The following SUSD6 variants were observed in gnomAD, a reference collection of about 807,000 sequenced individuals.
SUSD6 encodes the protein sushi domain containing 6.
SUSD6 carries 16 observed loss-of-function variants against 28.4 expected under a neutral mutation model. The ratio of observed to expected loss-of-function variants is 0.56; its 90% CI spans 0.38 to 0.86. The LOEUF (loss-of-function observed/expected upper bound fraction) is 0.86. Ranked by LOEUF, SUSD6 falls within the 40% of genes least tolerant of loss-of-function variation. The pLI is 0.00. For missense variants in SUSD6, 341 were observed against 384.2 expected, an observed-to-expected ratio of 0.89 and a Z score of 0.94; for synonymous variants, 147 against 159.6, an observed-to-expected ratio of 0.92 and a Z score of 0.59.
At chr14:69,612,050 C>G (rs1287985474) in intron 1 of SUSD6, among the ~76,000 whole-genome samples, 2 of 150,004 alleles carry the variant, frequency 1.3e-5, no homozygotes, top group Non-Finnish European at 3.0e-5. Context: ...GCGCGGCCAG[C>G]CGGCCAGCAG....
Position 69,713,106 on chromosome 14 carries a change from TG to T in SUSD6, c.*2129del, listed in dbSNP as rs933713915. 3 of 152,246 alleles carry T rather than the reference TG, an allele frequency of 2.0e-5. No individual in the cohort carries two copies. The highest frequency in any genetic ancestry group is 2.9e-5 in the Non-Finnish European group (2 of 68,042). 9.4% of individuals were successfully genotyped at this position (152,246 alleles called of 1,614,324 possible). A position where few individuals can be genotyped will look rare whatever the true frequency, so the allele number is the denominator to read the frequency against. On this transcript the variant is annotated 3_prime_UTR_variant, in exon 6 of 6. Transcript: ENST00000342745. The stretch of plus-strand genomic sequence containing the variant: ...TCAAAACCCGCATTCTATTCTAGAA[TG>T]GTTTTTAAAATGGAAGATCTTACCT...
rs184506206 is a variant in SUSD6 at position 69,663,611 on chromosome 14, G to A, written c.121+4898G>A. Among the ~76,000 whole-genome samples, 20 of 152,292 alleles carry A rather than the reference G, an allele frequency of 1.3e-4. No homozygotes were observed. In the East Asian group the frequency reaches 3.1e-3, roughly 23 times the overall value. On this transcript the variant is annotated intron_variant, in intron 2 of 5. Transcript: ENST00000342745. ...CACTTATGTGTCAGGCTCTGTTATCGTTCCATATAAAGCTCTCAGAACACC... is the reference window on the plus strand; with the variant it reads ...CACTTATGTGTCAGGCTCTGTTATCATTCCATATAAAGCTCTCAGAACACC...
At chr14:69,645,058 A>G (rs1885407630) in intron 1 of SUSD6, among the ~76,000 whole-genome samples, 2 of 152,202 alleles carry the variant, frequency 1.3e-5, no homozygotes, top group African/African-American at 4.8e-5. Flanking sequence ...TGGGTAATTT[A>G]TGATGAAGAG....
chr14:69,657,193 C>T (rs1020496311), intron 1 of SUSD6, among the ~76,000 whole-genome samples: 1 of 152,166 alleles, frequency 6.6e-6, no homozygotes, highest in African/African-American at 2.4e-5. Context: ...CAGTGGTTCA[C>T]GCCTGTAATC....
chr14:69,648,776 A>G (rs564804872), intron 1 of SUSD6, among the ~76,000 whole-genome samples: 1 of 152,316 alleles, frequency 6.6e-6, no homozygotes, highest in African/African-American at 2.4e-5. Flanking sequence ...CGGAATACCA[A>G]AATTTAGCTC....
In SUSD6 at chr14:69,660,524, G is replaced by C. The variant is rs575895152; in HGVS notation, c.121+1811G>C. Among the ~76,000 whole-genome samples, 32 of 152,334 alleles carry C rather than the reference G, an allele frequency of 2.1e-4. No homozygotes were observed. The South Asian group carries it at 4.1e-3, about 20-fold the overall frequency. ...TACCAATGTGCAACAAAATGAAGCA[G>C]AGCCTCCTTTCATAGGGTCACCCCA... On this transcript the variant is annotated intron_variant, in intron 2 of 5. Coordinates refer to ENST00000342745, the MANE Select transcript of SUSD6 (RefSeq NM_014734.4).
intron 1 of SUSD6, among the ~76,000 whole-genome samples, chr14:69,651,151 A>G (rs576111092): frequency 2.0e-5 from 3 of 152,330 alleles, no homozygotes; most frequent in Admixed American, 2.0e-4. Context: ...CCTGAGGCCA[A>G]ACCGCTTTTC....
intron 1 of SUSD6, among the ~76,000 whole-genome samples, chr14:69,657,558 G>T (rs1885601160): frequency 6.6e-6 from 1 of 152,002 alleles, no homozygotes; most frequent in Non-Finnish European, 1.5e-5. Context: ...TGCATATAAA[G>T]CCTTATTAAT....
At chr14:69,699,572 C>T (rs1886283736) in intron 2 of SUSD6, among the ~76,000 whole-genome samples, 1 of 150,894 alleles carries the variant, frequency 6.6e-6, no homozygotes, top group Non-Finnish European at 1.5e-5. Context: ...TCTTCTTAGG[C>T]ATCCTTATTT....
chr14:69,650,693 G>A (rs1234702560), intron 1 of SUSD6, among the ~76,000 whole-genome samples: 3 of 152,120 alleles, frequency 2.0e-5, no homozygotes, highest in African/African-American at 7.2e-5. Flanking sequence ...CTTCTCTCTT[G>A]CATCTTTTCT....
intron 4 of SUSD6, among the ~76,000 whole-genome samples, 178 bp downstream of exon 4, chr14:69,704,920 C>T (rs74060291): frequency 0.022 from 3,331 of 152,254 alleles, 125 homozygotes; most frequent in African/African-American, 0.077. Flanking sequence ...GTGCTTATTG[C>T]TTTGCATACA....
Position 69,708,463 on chromosome 14 carries a change from T to C in SUSD6, c.459-214T>C, listed in dbSNP as rs1056667350. ...GCTGTGTGATTGAGGGCAAGTTAAT[T>C]AACTTCTCTGAGCCTCATTTGCATT... is the stretch of plus-strand genomic sequence containing the variant. On this transcript the variant is annotated intron_variant, in intron 4 of 5. Transcript: ENST00000342745. 1.2e-4 allele frequency among the ~76,000 whole-genome samples: 18 copies of C among 152,258 alleles called. No homozygotes were observed. The East Asian group carries it at 3.5e-3, about 29-fold the overall frequency.
intron 4 of SUSD6, among the ~76,000 whole-genome samples, chr14:69,708,102 G>C (rs1886410110): frequency 6.6e-6 from 1 of 152,196 alleles, no homozygotes; most frequent in Admixed American, 6.5e-5. Context: ...AAGCAGTATG[G>C]CTGAGTCAGA....
At chr14:69,639,244 C>G (rs1359409674) in intron 1 of SUSD6, among the ~76,000 whole-genome samples, 1 of 126,292 alleles carries the variant, frequency 7.9e-6, no homozygotes, top group Non-Finnish European at 1.6e-5. Flanking sequence ...AGGAGAATGG[C>G]GTGAACCCGG....
At chr14:69,673,435 C>G (rs1415010222) in intron 2 of SUSD6, among the ~76,000 whole-genome samples, 1 of 152,180 alleles carries the variant, frequency 6.6e-6, no homozygotes, top group African/African-American at 2.4e-5. Flanking sequence ...TGAAAAAAAC[C>G]TGTCTGACTC....
chr14:69,689,336 G>T (rs1886120662), intron 2 of SUSD6, among the ~76,000 whole-genome samples: 1 of 152,054 alleles, frequency 6.6e-6, no homozygotes, highest in South Asian at 2.1e-4. Context: ...CAGTGCTTTT[G>T]GTACTTAGTA....
intron 2 of SUSD6, among the ~76,000 whole-genome samples, chr14:69,676,313 C>G (rs1885908192): frequency 6.6e-6 from 1 of 152,010 alleles, no homozygotes; most frequent in Non-Finnish European, 1.5e-5. Context: ...GGTTTGTTTC[C>G]TTCTTCAGAC....
chr14:69,699,539 C>CTT (rs61008483), intron 2 of SUSD6, among the ~76,000 whole-genome samples: 8 of 136,804 alleles, frequency 5.8e-5, no homozygotes, highest in African/African-American at 1.6e-4. Context: ...AATGACTTGC[C>CTT]TTTTTTTTTT....
chr14:69,697,756 T>C (rs1216190161), intron 2 of SUSD6, among the ~76,000 whole-genome samples: 1 of 152,204 alleles, frequency 6.6e-6, no homozygotes, highest in Non-Finnish European at 1.5e-5. Context: ...TTACCCTCCC[T>C]GGGTGCCGAT....
Sources: allele counts gnomAD v4.1 joint callset (sites outside exome capture counted in the v4.1 genomes callset), GRCh38; gene constraint gnomAD v4.1.1; transcripts MANE v1.5; gene names NCBI Gene and HGNC (gene_info 2026-07-23, HGNC 2026-07-21).